Variants in CRACD observed in about 807,000 individuals in gnomAD.
CRACD encodes capping protein-inhibiting regulator of actin dynamics.
In CRACD, 56 loss-of-function variants were observed where a neutral mutation model predicts 106.8. That is an observed-to-expected ratio of 0.52 (90% CI 0.42 to 0.66). CRACD has a LOEUF of 0.66. CRACD is among the 30% of genes least tolerant of loss of function. CRACD has a pLI of 0.00. For synonymous variants in CRACD, 754 were observed against 670.8 expected, an observed-to-expected ratio of 1.12 and a Z score of -1.92; for missense variants, 1,730 against 1,623.2, an observed-to-expected ratio of 1.07 and a Z score of -1.13.
At chr4:56,312,536 C>T (rs181853772) in intron 6 of CRACD, among the ~76,000 whole-genome samples, 223 of 152,218 alleles carry the variant, frequency 1.5e-3, no homozygotes, top group Non-Finnish European at 2.6e-3. Flanking sequence ...TCCTTTATTC[C>T]TTCAACAGAT....
At chr4:56,316,738 CAGG>C in intron 8 of CRACD, 49 bp downstream of exon 8, 1 of 1,478,458 alleles carries the variant, frequency 6.8e-7, no homozygotes. Flanking sequence ...GTGTCAGAGC[CAGG>C]GCATCAAGAA....
intron 1 of CRACD, among the ~76,000 whole-genome samples, chr4:56,146,155 C>A (rs1015046805): frequency 6.6e-6 from 1 of 152,006 alleles, no homozygotes; most frequent in African/African-American, 2.4e-5. Context: ...CTATTTTGAT[C>A]CAAGAATTAT....
chr4:56,163,908 GA>G (rs1736048429), intron 1 of CRACD, among the ~76,000 whole-genome samples: 1 of 152,054 alleles, frequency 6.6e-6, no homozygotes, highest in South Asian at 2.1e-4. Context: ...ACCATGCCCA[GA>G]TAATTTTTTT....
chr4:56,243,912 TC>T (rs982482024), intron 2 of CRACD, among the ~76,000 whole-genome samples: 1 of 152,134 alleles, frequency 6.6e-6, no homozygotes, highest in African/African-American at 2.4e-5. Context: ...CATCCCCCTC[TC>T]CCTCAAAGCC....
chr4:56,194,936 G>T (rs1737535921), intron 2 of CRACD, among the ~76,000 whole-genome samples: 1 of 152,198 alleles, frequency 6.6e-6, no homozygotes. Context: ...TGACATTTAT[G>T]TGGAGACTGT....
At chr4:56,191,195 A>G (rs1256813547) in intron 2 of CRACD, among the ~76,000 whole-genome samples, 2 of 152,200 alleles carry the variant, frequency 1.3e-5, no homozygotes, top group Non-Finnish European at 2.9e-5. Context: ...AAACAACACA[A>G]ATTGTAGTTC....
At chr4:56,106,529 A>G (rs781177882) in intron 1 of CRACD, among the ~76,000 whole-genome samples, 1 of 152,228 alleles carries the variant, frequency 6.6e-6, no homozygotes, top group Non-Finnish European at 1.5e-5. Flanking sequence ...AGATTGATTT[A>G]TTCTGCAATC....
At chr4:56,281,576 A>G (rs1446035179) in intron 3 of CRACD, among the ~76,000 whole-genome samples, 1 of 152,122 alleles carries the variant, frequency 6.6e-6, no homozygotes, top group East Asian at 1.9e-4. Flanking sequence ...AATGCATATG[A>G]CATTGCGCTA....
chr4:56,074,877 T>C (rs1179214762), intron 1 of CRACD, among the ~76,000 whole-genome samples: 2 of 152,188 alleles, frequency 1.3e-5, no homozygotes, highest in East Asian at 3.8e-4. Flanking sequence ...CCTAGTTTAT[T>C]GAGAGTTTTT....
chr4:56,300,689 G>A (rs1240860630), intron 4 of CRACD, among the ~76,000 whole-genome samples: 1 of 152,090 alleles, frequency 6.6e-6, no homozygotes, highest in Non-Finnish European at 1.5e-5. Flanking sequence ...AGCTTTTTAG[G>A]AGTTTTTAAA....
intron 3 of CRACD, among the ~76,000 whole-genome samples, chr4:56,275,024 G>T (rs539270490): frequency 9.8e-5 from 15 of 152,314 alleles, no homozygotes; most frequent in South Asian, 2.1e-4. Context: ...GCAAACTAAT[G>T]CAGGAACAGA....
chr4:56,088,259 A>G (rs570173576), intron 1 of CRACD, among the ~76,000 whole-genome samples: 1 of 151,866 alleles, frequency 6.6e-6, no homozygotes, highest in East Asian at 1.9e-4. Flanking sequence ...CCTAGTAAAT[A>G]GCGTAATACC....
chr4:56,294,171 C>T (rs1743855231), intron 3 of CRACD, among the ~76,000 whole-genome samples: 1 of 150,518 alleles, frequency 6.6e-6, no homozygotes, highest in African/African-American at 2.4e-5. Flanking sequence ...GGTTGCCCAG[C>T]AGCTATGATT....
intron 2 of CRACD, among the ~76,000 whole-genome samples, chr4:56,188,610 G>C (rs981272989): frequency 2.2e-5 from 3 of 136,720 alleles, no homozygotes; most frequent in Admixed American, 7.4e-5. Context: ...CAGCTCATTT[G>C]TATCTGTCTA....
chr4:56,295,253 TAA>T (rs1254354735), intron 3 of CRACD, among the ~76,000 whole-genome samples: 3 of 152,124 alleles, frequency 2.0e-5, no homozygotes, highest in Non-Finnish European at 2.9e-5. Flanking sequence ...GCCTACCACA[TAA>T]GTTTTAAATA....
chr4:56,269,876 T>C (rs1438522203), intron 2 of CRACD, among the ~76,000 whole-genome samples: 1 of 152,136 alleles, frequency 6.6e-6, no homozygotes, highest in Non-Finnish European at 1.5e-5. Context: ...GGGATTACAA[T>C]TCAACATGAG....
intron 10 of CRACD, among the ~76,000 whole-genome samples, chr4:56,327,020 G>A (rs1390754083): frequency 6.6e-6 from 1 of 152,082 alleles, no homozygotes; most frequent in East Asian, 1.9e-4. Context: ...GATTACAGGC[G>A]TGATCCACCA....
intron 2 of CRACD, among the ~76,000 whole-genome samples, chr4:56,250,164 T>C (rs1740966940): frequency 6.6e-6 from 1 of 152,144 alleles, no homozygotes; most frequent in Non-Finnish European, 1.5e-5. Flanking sequence ...TATTCCACTA[T>C]TCTCCTTTCC....
intron 1 of CRACD, among the ~76,000 whole-genome samples, chr4:56,119,813 T>A (rs1247944769): frequency 6.6e-6 from 1 of 152,188 alleles, no homozygotes; most frequent in Non-Finnish European, 1.5e-5. Flanking sequence ...ATTTCATACA[T>A]AATATGTCTA....
Sources: gnomAD v4.1 joint callset for allele counts (sites outside exome capture counted in the v4.1 genomes callset) on GRCh38, gnomAD v4.1.1 for gene constraint, MANE v1.5 for transcripts, NCBI Gene and HGNC (gene_info 2026-07-23, HGNC 2026-07-21) for gene names.